The following PCDHGB2 variants were observed in gnomAD, a reference collection of about 807,000 sequenced individuals.
PCDHGB2 encodes the protein protocadherin gamma-B2.
In PCDHGB2, 55 loss-of-function variants were observed where a neutral mutation model predicts 59.3. The observed-to-expected ratio is 0.93, with a 90% CI of 0.75 to 1.16. PCDHGB2 has a LOEUF of 1.16. Among genes scored for constraint, PCDHGB2 ranks in the 50% most tolerant of loss-of-function variants. The pLI is 0.00. For missense variants in PCDHGB2, 1,228 were observed against 1,198.5 expected (o/e 1.02, Z -0.36); for synonymous variants, 516 against 512.0 (o/e 1.01, Z -0.11).
chr5:141,448,705 C>T (rs2098601893), intron 1 of PCDHGB2, among the ~76,000 whole-genome samples: 1 of 152,100 alleles, frequency 6.6e-6, no homozygotes, highest in Non-Finnish European at 1.5e-5. Context: ...CTTTGGGAGG[C>T]CGAGGCGGGA....
intron 1 of PCDHGB2, chr5:141,419,005 C>G: frequency 6.2e-7 from 1 of 1,613,944 alleles, no homozygotes; most frequent in Non-Finnish European, 8.5e-7. Context: ...ATGGGGAAGT[C>G]AGGTGTAGCT....
rs1328476453 is a variant in PCDHGB2, at chr5:141,431,444, C to T, written c.2422-63363C>T. 4.3e-6 allele frequency: 7 copies of T among 1,613,732 alleles called. No homozygotes were observed. The highest frequency in any genetic ancestry group is 5.9e-6 in the Non-Finnish European group (7 of 1,180,022). On this transcript the variant is annotated intron_variant, in intron 1 of 3. Transcript: ENST00000522605. The surrounding 1 kb of genome is among the most constrained non-coding windows in gnomAD (Gnocchi z 4.8). ...GGTGCGCACAGGCACCGCGCGCATCCGCGTGATGGTTCTGGATGCGAACGA... is the reference window on the plus strand; with the variant it reads ...GGTGCGCACAGGCACCGCGCGCATCTGCGTGATGGTTCTGGATGCGAACGA...
In PCDHGB2 at chr5:141,390,150, C is replaced by A. The variant is rs768850867; in HGVS notation, c.2421+27594C>A. The A allele has an allele frequency of 3.7e-6, 6 of 1,613,916 alleles. No homozygotes were observed. The African/African-American group carries it at 8.0e-5, about 22-fold the overall frequency. On this transcript the variant is annotated intron_variant, in intron 1 of 3. Transcript: ENST00000522605. ...TTATTCCTACAATCTATGTGTTGCA[C>A]ATACAGGAAAGACGGAGTTTAATTT...
At chr5:141,393,056 C>G in intron 1 of PCDHGB2, 2 of 1,613,606 alleles carry the variant, frequency 1.2e-6, no homozygotes, top group South Asian at 1.1e-5. Context: ...ACCCGCGCAG[C>G]GGCAGCTTGA....
chr5:141,478,685 A>G, intron 1 of PCDHGB2: 3 of 1,551,308 alleles, frequency 1.9e-6, no homozygotes, highest in Non-Finnish European at 2.6e-6. Context: ...GGCCCTTCCT[A>G]GATCAAAGTT....
chr5:141,390,396 T>G, intron 1 of PCDHGB2: 2 of 1,374,352 alleles, frequency 1.5e-6, no homozygotes, highest in Admixed American at 2.2e-5. Context: ...ATGGATCATT[T>G]TAGGAAAGTT....
intron 1 of PCDHGB2, chr5:141,389,967 G>C: frequency 8.7e-6 from 14 of 1,614,046 alleles, no homozygotes; most frequent in Non-Finnish European, 1.1e-5. Context: ...GGTGGCCTTG[G>C]CCTTGATCTC....
intron 1 of PCDHGB2, chr5:141,399,946 GC>G: frequency 6.2e-7 from 1 of 1,612,270 alleles, no homozygotes. Context: ...CGTGCTGCAG[GC>G]TAGCGAGCCC....
intron 1 of PCDHGB2, chr5:141,421,333 G>A (rs1458277535): frequency 2.5e-6 from 4 of 1,613,850 alleles, no homozygotes; most frequent in Admixed American, 1.7e-5. Flanking sequence ...CCGATATTCG[G>A]TGCCAGAAGA....
intron 1 of PCDHGB2, chr5:141,409,439 G>C: frequency 6.2e-7 from 1 of 1,613,998 alleles, no homozygotes; most frequent in Non-Finnish European, 8.5e-7. Flanking sequence ...CCTGGACCGA[G>C]AGCAGACACC....
At chr5:141,408,687 T>C (rs1394182828) in intron 1 of PCDHGB2, 3 of 1,613,928 alleles carry the variant, frequency 1.9e-6, no homozygotes, top group East Asian at 2.2e-5. Flanking sequence ...GATCCTGATA[T>C]AAACATAAAC....
rs140088812 is a variant in PCDHGB2, at chr5:141,489,695, T to C, written c.2422-5112T>C. The C allele has an allele frequency of 6.2e-7, 1 of 1,614,088 alleles. No homozygotes were observed. The highest frequency in any genetic ancestry group is 1.3e-5 in the African/African-American group (1 of 75,026). On this transcript the variant is annotated intron_variant, in intron 1 of 3. Transcript: ENST00000522605. This position sits in a 1 kb window ranked among gnomAD's most constrained non-coding sequence, Gnocchi z 4.5. ...GAATCAGCAGCATCTGGGGCACGAT[T>C]CCCACTGGACAGTGCCCAGGATCCG...
chr5:141,427,435 T>G, intron 1 of PCDHGB2: 1 of 474,160 alleles, frequency 2.1e-6, no homozygotes, highest in Non-Finnish European at 4.2e-6. Context: ...ACATGCCTCA[T>G]AAACGAAAGA....
chr5:141,433,837 C>CAA (rs56191208), intron 1 of PCDHGB2, among the ~76,000 whole-genome samples: 9,379 of 111,452 alleles, frequency 0.084, 424 homozygotes, highest in African/African-American at 0.14. Flanking sequence ...AACTCTATCT[C>CAA]AAAAAAAAAA....
chr5:141,375,335 TACA>T, intron 1 of PCDHGB2: 1 of 1,613,812 alleles, frequency 6.2e-7, no homozygotes, highest in Non-Finnish European at 8.5e-7. Flanking sequence ...GGTATTCTTG[TACA>T]ACATCACTGT....
intron 1 of PCDHGB2, chr5:141,376,527 A>T: frequency 6.2e-7 from 1 of 1,613,816 alleles, no homozygotes; most frequent in South Asian, 1.1e-5. Context: ...TTTCCGCCTA[A>T]GCGGGAAGAG....
At chr5:141,366,835 A>C (rs1011938968) in intron 1 of PCDHGB2, 2 of 1,511,404 alleles carry the variant, frequency 1.3e-6, no homozygotes, top group Non-Finnish European at 1.8e-6. Flanking sequence ...AGAATCAGCT[A>C]GTTATGTAAA....
At position 141,401,132 on chromosome 5, in the gene PCDHGB2, A is replaced by G. The variant is rs534048041; in HGVS notation, c.2421+38576A>G. Among the ~76,000 whole-genome samples, 4 of 152,344 alleles carry G rather than the reference A, an allele frequency of 2.6e-5. No homozygotes were observed. In the South Asian group the frequency reaches 8.3e-4, roughly 32 times the overall value. ...GCCGAGGCGGTTGGATCACATGGTCAGGAGTTCAAGACCAGCCTGGGCAAT... is the reference window on the plus strand; with the variant it reads ...GCCGAGGCGGTTGGATCACATGGTCGGGAGTTCAAGACCAGCCTGGGCAAT... On this transcript the variant is annotated intron_variant, in intron 1 of 3. Coordinates refer to ENST00000522605, the MANE Select transcript of PCDHGB2 (RefSeq NM_018923.3).
chr5:141,427,294 A>G (rs1239553754), intron 1 of PCDHGB2: 6 of 456,876 alleles, frequency 1.3e-5, no homozygotes, highest in Non-Finnish European at 2.2e-5. Context: ...GAAATCCTAG[A>G]TGAGAATGAC....
Sources: gnomAD v4.1 joint callset for allele counts (sites outside exome capture counted in the v4.1 genomes callset) on GRCh38, gnomAD v4.1.1 for gene constraint, Gnocchi (gnomAD v3.1) non-coding constraint, MANE v1.5 for transcripts, NCBI Gene and HGNC (gene_info 2026-07-23, HGNC 2026-07-21) for gene names.